ATP10B: variants seen among roughly 807,000 people sequenced by gnomAD.
ATP10B encodes the protein ATPase phospholipid transporting 10B (putative).
A neutral mutation model predicts 141.2 loss-of-function variants in ATP10B; 122 were observed. The observed-to-expected ratio is 0.86, with a 90% CI of 0.75 to 1.00. The LOEUF is 1.00. Ranked by LOEUF, ATP10B falls within the 50% of genes least tolerant of loss-of-function variation. The pLI is 0.00. For synonymous variants in ATP10B, 685 were observed against 692.0 expected (o/e 0.99, Z 0.16); for missense variants, 1,876 against 1,825.3 (o/e 1.03, Z -0.51).
At chr5:160,791,782 G>A (rs763377741) in intron 1 of ATP10B, among the ~76,000 whole-genome samples, 2 of 152,086 alleles carry the variant, frequency 1.3e-5, no homozygotes, top group Non-Finnish European at 2.9e-5. Context: ...AGAAGGCTAA[G>A]GAGGACAATA....
At chr5:160,903,792 T>C in the ATP10B span, among the ~76,000 whole-genome samples, 1 of 152,098 alleles carries the variant, frequency 6.6e-6, no homozygotes, top group Non-Finnish European at 1.5e-5. Flanking sequence ...TTTCCTTCAA[T>C]AAAGAGGAGG....
At chr5:160,899,967 C>A in the ATP10B span, among the ~76,000 whole-genome samples, 2 of 152,204 alleles carry the variant, frequency 1.3e-5, no homozygotes, top group Non-Finnish European at 2.9e-5. Flanking sequence ...CCCCCATCAG[C>A]CACTCCAAGG....
chr5:160,580,197 G>A (rs1161813945), intron 24 of ATP10B, among the ~76,000 whole-genome samples: 2 of 152,150 alleles, frequency 1.3e-5, no homozygotes, highest in African/African-American at 4.8e-5. Flanking sequence ...CCGATACTAT[G>A]TTGAATAGGA....
intron 1 of ATP10B, among the ~76,000 whole-genome samples, chr5:160,817,454 G>C (rs1361673928): frequency 6.6e-6 from 1 of 152,070 alleles, no homozygotes; most frequent in East Asian, 1.9e-4. Flanking sequence ...GGGACATGAA[G>C]GACCTCTTCA....
chr5:160,909,630 C>T, the ATP10B span, among the ~76,000 whole-genome samples: 2 of 152,224 alleles, frequency 1.3e-5, no homozygotes, highest in Non-Finnish European at 2.9e-5. Context: ...GAGCCACCCA[C>T]TGGATCTTGT....
At chr5:160,794,370 G>A (rs75946113) in intron 1 of ATP10B, among the ~76,000 whole-genome samples, 1,586 of 152,306 alleles carry the variant, frequency 0.01, 25 homozygotes, top group African/African-American at 0.036. Flanking sequence ...TGACCACAGC[G>A]GAAGGTAGGC....
At chr5:160,596,072 G>T (rs1040703967) in intron 22 of ATP10B, among the ~76,000 whole-genome samples, 27 of 150,914 alleles carry the variant, frequency 1.8e-4, no homozygotes, top group East Asian at 2.0e-4. Context: ...TACCAAAGCC[G>T]GGCAGAGACA....
intron 1 of ATP10B, among the ~76,000 whole-genome samples, chr5:160,798,889 T>C (rs1024683825): frequency 2.6e-5 from 4 of 151,928 alleles, no homozygotes; most frequent in Admixed American, 6.6e-5. Flanking sequence ...GTAGCTGTGA[T>C]TGCAGGGATG....
chr5:160,626,556 T>C (rs1758623340), intron 13 of ATP10B, among the ~76,000 whole-genome samples: 1 of 152,210 alleles, frequency 6.6e-6, no homozygotes, highest in Non-Finnish European at 1.5e-5. Flanking sequence ...AATTCGGTAC[T>C]GCCTGATGCC....
At chr5:160,602,108 G>A (rs983321019) in intron 21 of ATP10B, among the ~76,000 whole-genome samples, 1 of 152,008 alleles carries the variant, frequency 6.6e-6, no homozygotes, top group Non-Finnish European at 1.5e-5. Context: ...AGTAATGACA[G>A]CAACAATAAT....
rs572882339 is a variant in ATP10B, at chr5:160,725,954, GAGT to G, written c.-330-8923_-330-8921del. On this transcript the variant is annotated intron_variant, in intron 2 of 25. Coordinates refer to ENST00000327245, the MANE Select transcript of ATP10B (RefSeq NM_025153.3). ...GTAGAGAGAAGGACATGTAGTCAGG[GAGT>G]AGTATGGGAGTTGGAGAAGGCATTT... is the stretch of plus-strand genomic sequence containing the variant. 5.8e-3 allele frequency among the ~76,000 whole-genome samples: 886 copies of G among 152,218 alleles called. 2 individuals are homozygous for G. The highest frequency in any genetic ancestry group is 9.3e-3 in the South Asian group (45 of 4,816).
At chr5:160,690,116 T>C (rs566729378) in intron 3 of ATP10B, among the ~76,000 whole-genome samples, 207 of 150,934 alleles carry the variant, frequency 1.4e-3, no homozygotes, top group African/African-American at 4.9e-3. Context: ...AAAGGATTCC[T>C]TATTTAATAA....
rs1460985777 is a variant in ATP10B at position 160,648,450 on chromosome 5, G to A, written c.761+721C>T. On this transcript the variant is annotated intron_variant, in intron 8 of 25. Transcript: ENST00000327245. Reference sequence around the variant, plus strand: ...TTGGACACCCCTGTAGAAAAGCATCGTATAAGGGCATTTACTCACATCTGT... The same window carrying A: ...TTGGACACCCCTGTAGAAAAGCATCATATAAGGGCATTTACTCACATCTGT... Among the ~76,000 whole-genome samples, 6 of 152,162 alleles carry A rather than the reference G, an allele frequency of 3.9e-5. No individual in the cohort carries two copies. In the South Asian group the frequency reaches 8.3e-4, roughly 21 times the overall value.
At chr5:160,608,639 G>T (rs1168701202) in intron 18 of ATP10B, among the ~76,000 whole-genome samples, 2 of 152,086 alleles carry the variant, frequency 1.3e-5, no homozygotes, top group African/African-American at 4.8e-5. Context: ...GTTTAAGATG[G>T]TATCTCATTG....
intron 10 of ATP10B, among the ~76,000 whole-genome samples, chr5:160,637,133 C>CATCT (rs1243091729): frequency 3.3e-5 from 5 of 150,662 alleles, no homozygotes; most frequent in Admixed American, 6.6e-5. Flanking sequence ...TCCATCTATC[C>CATCT]ATCCATCCAT....
At chr5:160,622,623 A>T in intron 13 of ATP10B, 38 bp from the exon 14 acceptor site, 1 of 1,562,504 alleles carries the variant, frequency 6.4e-7, no homozygotes, top group Non-Finnish European at 8.7e-7. Flanking sequence ...CTTTTCTGGG[A>T]AGGAAGCCCA....
At chr5:160,903,808 T>C in the ATP10B span, among the ~76,000 whole-genome samples, 3 of 152,172 alleles carry the variant, frequency 2.0e-5, no homozygotes, top group South Asian at 2.1e-4. Context: ...GGAGGTTAGG[T>C]GTGCAGAGCA....
chr5:160,920,649 G>A, the ATP10B span, among the ~76,000 whole-genome samples: 1 of 152,192 alleles, frequency 6.6e-6, no homozygotes, highest in African/African-American at 2.4e-5. Flanking sequence ...ACAATCACCT[G>A]GTGAGCTTTC....
chr5:160,881,779 C>A, the ATP10B span, among the ~76,000 whole-genome samples: 4 of 152,064 alleles, frequency 2.6e-5, no homozygotes, highest in East Asian at 7.7e-4. Flanking sequence ...CCACTGCACT[C>A]CAGCCTGGGT....
Sources: gnomAD v4.1 joint callset for allele counts (sites outside exome capture counted in the v4.1 genomes callset) on GRCh38, gnomAD v4.1.1 for gene constraint, MANE v1.5 for transcripts, NCBI Gene and HGNC (gene_info 2026-07-23, HGNC 2026-07-21) for gene names.